The following COL4A5 variants were observed in gnomAD, a reference collection of about 807,000 sequenced individuals.
COL4A5 encodes the protein collagen alpha-5(IV) chain.
In COL4A5, 26 loss-of-function variants were observed where a neutral mutation model predicts 130.2. That is an observed-to-expected ratio of 0.20 (90% CI 0.15 to 0.28). The LOEUF (loss-of-function observed/expected upper bound fraction) is 0.28. COL4A5 is among the 10% of genes least tolerant of loss of function. The probability of loss-of-function intolerance (pLI) is 1.00; values close to 1 mark genes in which losing one functional copy is unlikely to be tolerated. For synonymous variants in COL4A5, 496 were observed against 439.6 expected, an observed-to-expected ratio of 1.13 and a Z score of -1.60; for missense variants, 1,131 against 1,344.3, an observed-to-expected ratio of 0.84 and a Z score of 2.48.
chrX:108,595,942 T>G (rs958669878), intron 22 of COL4A5, among the ~76,000 whole-genome samples: 5 of 111,899 alleles, frequency 4.5e-5, no homozygotes, highest in Non-Finnish European at 7.5e-5. Flanking sequence ...TGAGTGTAGT[T>G]TCCAGTGGCA....
intron 10 of COL4A5, among the ~76,000 whole-genome samples, chrX:108,577,489 A>T (rs1045873971): frequency 9.0e-6 from 1 of 110,903 alleles, no homozygotes; most frequent in Non-Finnish European, 1.9e-5. Context: ...AAAGGTGCCT[A>T]TTTAATTTTT....
At chrX:108,655,539 C>A in intron 37 of COL4A5, 82 bp downstream of exon 37, 1 of 1,077,536 alleles carries the variant, frequency 9.3e-7, no homozygotes, top group Non-Finnish European at 1.3e-6. Context: ...TCTTATTTGG[C>A]AGACTTATAT....
At chrX:108,675,115 C>T (rs1000649459) in intron 43 of COL4A5, among the ~76,000 whole-genome samples, 1 of 111,170 alleles carries the variant, frequency 9.0e-6, no homozygotes, top group African/African-American at 3.3e-5. Context: ...ATTTTGTTTT[C>T]TCAGATTGCC....
At chrX:108,516,249 G>A (rs1015552064) in intron 1 of COL4A5, among the ~76,000 whole-genome samples, 1 of 112,287 alleles carries the variant, frequency 8.9e-6, no homozygotes, top group African/African-American at 3.2e-5. Context: ...GAGCCCTGGA[G>A]TTAGACTTAC....
chrX:108,573,471 T>C, intron 8 of COL4A5, 103 bp from the exon 9 acceptor site: 1 of 595,140 alleles, frequency 1.7e-6, no homozygotes, highest in Non-Finnish European at 3.0e-6. Context: ...AATCTTTTAG[T>C]ACATCTCTGT....
intron 50 of COL4A5, chrX:108,693,475 GGT>G (rs1161475215): frequency 1.7e-5 from 2 of 115,415 alleles, no homozygotes; most frequent in Non-Finnish European, 3.6e-5. Flanking sequence ...GGGCCCAGAT[GGT>G]AGAAGGCCTT....
chrX:108,651,565 A>G (rs1446306725), intron 36 of COL4A5, among the ~76,000 whole-genome samples: 6 of 111,934 alleles, frequency 5.4e-5, no homozygotes, highest in Non-Finnish European at 1.1e-4. Context: ...AGAACTACAC[A>G]TGCTGTGCTA....
chrX:108,503,497 A>G (rs1198816917), intron 1 of COL4A5, among the ~76,000 whole-genome samples: 2 of 111,767 alleles, frequency 1.8e-5, no homozygotes, highest in African/African-American at 6.5e-5. Flanking sequence ...ATATAATCTT[A>G]TACCTAGAAA....
chrX:108,502,512 C>T (rs1316318323), intron 1 of COL4A5, among the ~76,000 whole-genome samples: 1 of 110,743 alleles, frequency 9.0e-6, no homozygotes, highest in Non-Finnish European at 1.9e-5. Flanking sequence ...CTCGAACTCC[C>T]GACCTCAGGT....
chrX:108,577,782 C>G (rs1179459992), intron 10 of COL4A5, among the ~76,000 whole-genome samples, 170 bp from the exon 11 acceptor site: 1 of 111,650 alleles, frequency 9.0e-6, no homozygotes, highest in African/African-American at 3.3e-5. Flanking sequence ...TCACATTCAT[C>G]TAGCTCATTT....
intron 1 of COL4A5, among the ~76,000 whole-genome samples, chrX:108,440,736 C>G (rs1026522269): frequency 2.7e-5 from 3 of 112,024 alleles, no homozygotes; most frequent in Admixed American, 9.4e-5. Flanking sequence ...TCAGGTCATT[C>G]AAGCCACTGA....
intron 1 of COL4A5, among the ~76,000 whole-genome samples, chrX:108,457,048 AC>A (rs979711396): frequency 9.0e-5 from 10 of 111,368 alleles, no homozygotes; most frequent in African/African-American, 3.3e-4. Context: ...AGTGTTAGGG[AC>A]CCAGGGGTTT....
chrX:108,653,941 A>AT (rs2067783920), intron 36 of COL4A5, among the ~76,000 whole-genome samples: 1 of 111,912 alleles, frequency 8.9e-6, no homozygotes, highest in Admixed American at 9.5e-5. Context: ...AAGATTCTTA[A>AT]TTTTTTTAAA....
chrX:108,676,583 G>C (rs1476439377), intron 43 of COL4A5, among the ~76,000 whole-genome samples: 1 of 111,744 alleles, frequency 8.9e-6, no homozygotes, highest in Non-Finnish European at 1.9e-5. Context: ...TATTTTTCTT[G>C]AAAAATATTT....
intron 1 of COL4A5, among the ~76,000 whole-genome samples, chrX:108,499,765 CTG>C (rs2065063392): frequency 9.0e-6 from 1 of 111,600 alleles, no homozygotes; most frequent in African/African-American, 3.3e-5. Context: ...CCCTACATAA[CTG>C]TTACTTTTTT....
chrX:108,602,854 A>T, intron 27 of COL4A5, 110 bp from the exon 28 acceptor site: 1 of 550,966 alleles, frequency 1.8e-6, no homozygotes, highest in Non-Finnish European at 3.2e-6. Flanking sequence ...TGTGCTTTTG[A>T]CATCTTACTG....
chrX:108,696,059 A>C (rs770928634), intron 52 of COL4A5: 4 of 360,523 alleles, frequency 1.1e-5, no homozygotes, highest in Admixed American at 4.7e-5. Context: ...AATGAGAGGG[A>C]AACACAAATA....
intron 43 of COL4A5, among the ~76,000 whole-genome samples, chrX:108,675,427 T>C (rs2068285739): frequency 8.9e-6 from 1 of 111,911 alleles, no homozygotes; most frequent in South Asian, 3.7e-4. Context: ...TCACAGTTTA[T>C]TTATTTTTCA....
intron 1 of COL4A5, among the ~76,000 whole-genome samples, chrX:108,473,416 C>T (rs1389545106): frequency 9.4e-6 from 1 of 106,925 alleles, no homozygotes; most frequent in African/African-American, 3.4e-5. Flanking sequence ...CCCCAAAGAC[C>T]TTCCAGTGGG....
Sources: allele counts gnomAD v4.1 joint callset (sites outside exome capture counted in the v4.1 genomes callset), GRCh38; gene constraint gnomAD v4.1.1; transcripts MANE v1.5; gene names NCBI Gene and HGNC (gene_info 2026-07-23, HGNC 2026-07-21).